The following PCDHA2 variants were observed in gnomAD, a reference collection of about 807,000 sequenced individuals.
The protein encoded by PCDHA2 is protocadherin alpha 2, also known as protocadherin alpha-2.
Under a neutral mutation model 66.0 loss-of-function variants are expected in PCDHA2, and 58 were observed. That is an observed-to-expected ratio of 0.88 (90% CI 0.71 to 1.09). The LOEUF (loss-of-function observed/expected upper bound fraction) is 1.09, where lower values mean the gene tolerates loss of function less well. Among genes scored for constraint, PCDHA2 ranks in the 50% least tolerant of loss-of-function variants. PCDHA2 has a pLI of 0.00. For synonymous variants in PCDHA2, 634 were observed against 554.0 expected (o/e 1.14, Z -2.03); for missense variants, 1,267 against 1,242.3 (o/e 1.02, Z -0.30).
At chr5:140,834,344 G>A (rs2150215547) in intron 1 of PCDHA2, 3 of 1,518,348 alleles carry the variant, frequency 2.0e-6, no homozygotes, top group Non-Finnish European at 1.8e-6. Context: ...AAATTCGAAG[G>A]CAAGTTTTGC....
Position 141,010,445 on chromosome 5 carries a change from A to C in PCDHA2, c.*508A>C. On this transcript the variant is annotated 3_prime_UTR_variant, in exon 4 of 4. Transcript: ENST00000526136. ...AAGGCAAGAAAACAAAGACAAATAA[A>C]CAGCGGAAGTTATCAGTATGGAGGG... 1.1e-6 allele frequency: 1 copy of C among 944,134 alleles called. No individual in the cohort carries two copies. The highest frequency in any genetic ancestry group is 1.5e-6 in the Non-Finnish European group (1 of 656,048). 58.5% of individuals were successfully genotyped at this position (944,134 alleles called of 1,614,324 possible).
rs782144250 is a variant in PCDHA2, at chr5:140,795,760, G to C, written c.796G>C (p.Ala266Pro). ...TGGGACCTTAGTGGTTAAGTTAAAC[G>C]CTTCTGATGCAGATGAAGGACCGAA... ...ANGTLVVKLN[A>P]SDADEGPNSE... The change falls in exon 1 of 4, where the codon GCT becomes CCT. Residue 266 changes from alanine (A) to proline (P), a missense_variant. Physicochemically the swap from Ala to Pro is conservative, Grantham distance 27. Coordinates refer to ENST00000526136, the MANE Select transcript of PCDHA2 (RefSeq NM_018905.3). 8 of 1,613,818 alleles carry C rather than the reference G, an allele frequency of 5.0e-6. No homozygotes were observed. The highest frequency in any genetic ancestry group is 1.7e-5 in the Admixed American group (1 of 60,006).
Position 140,795,913 on chromosome 5 carries a change from G to A in PCDHA2, c.949G>A (p.Glu317Lys), listed in dbSNP as rs17844246. 1.2e-6 allele frequency: 2 copies of A among 1,613,866 alleles called. No individual in the cohort carries two copies. The highest frequency in any genetic ancestry group is 8.5e-7 in the Non-Finnish European group (1 of 1,179,856). Residue 317 changes from glutamate (E) to lysine (K), a missense_variant, in exon 1 of 4, where the codon GAG (glutamate) becomes AAG (lysine). Physicochemically the swap from Glu to Lys is moderately conservative, Grantham distance 56. Coordinates refer to ENST00000526136, the MANE Select transcript of PCDHA2 (RefSeq NM_018905.3). Reference protein sequence around the residue: ...KLDYEEAKSYEIQVTATDKGT... With the variant: ...KLDYEEAKSYKIQVTATDKGT... ...AGATTATGAAGAAGCAAAGTCCTACGAGATTCAGGTCACTGCAACTGACAA... is the reference window on the plus strand; with the variant it reads ...AGATTATGAAGAAGCAAAGTCCTACAAGATTCAGGTCACTGCAACTGACAA...
At chr5:140,989,140 C>A (rs2153881117) in intron 3 of PCDHA2, among the ~76,000 whole-genome samples, 1 of 152,290 alleles carries the variant, frequency 6.6e-6, no homozygotes, top group East Asian at 1.9e-4. Context: ...CACTTTATCC[C>A]TTCTTTTGTT....
chr5:140,850,049 C>G (rs2150465227), intron 1 of PCDHA2: 5 of 1,596,466 alleles, frequency 3.1e-6, no homozygotes, highest in Non-Finnish European at 3.4e-6. Flanking sequence ...GCAAGGTGTA[C>G]GCGCTGCAGC....
rs556783584 is a variant in PCDHA2 at position 140,882,446 on chromosome 5, G to A, written c.2388+85094G>A. ...CCTGGGGCTGGAGCTGGCGGAGCTG[G>A]TGCCGCGCCTGTTCCGGGTGGCGTC... On this transcript the variant is annotated intron_variant, in intron 1 of 3. Coordinates refer to ENST00000526136, the MANE Select transcript of PCDHA2 (RefSeq NM_018905.3). 1.9e-5 allele frequency: 30 copies of A among 1,614,042 alleles called. No individual in the cohort carries two copies. The highest frequency in any genetic ancestry group is 1.0e-4 in the Admixed American group (6 of 60,036).
intron 1 of PCDHA2, among the ~76,000 whole-genome samples, chr5:140,800,567 G>A (rs1762574001): frequency 6.6e-6 from 1 of 151,946 alleles, no homozygotes; most frequent in South Asian, 2.1e-4. Flanking sequence ...AATGTAACTT[G>A]GGTGGTAAAG....
chr5:140,944,838 A>C (rs996510272), intron 1 of PCDHA2, among the ~76,000 whole-genome samples: 13 of 152,212 alleles, frequency 8.5e-5, no homozygotes, highest in Non-Finnish European at 1.6e-4. Flanking sequence ...TTGTAAAATG[A>C]GATATTAGAA....
chr5:140,795,590 A>G lies in PCDHA2; in HGVS notation c.626A>G (p.Asn209Ser). 6.2e-7 allele frequency: 1 copy of G among 1,614,170 alleles called. No homozygotes were observed. The highest frequency in any genetic ancestry group is 8.5e-7 in the Non-Finnish European group (1 of 1,180,032). ...SLDREETAEV[N>S]LLLVATDGGK... ...GACAGAGAGGAAACTGCTGAGGTTAATTTGTTACTGGTGGCTACTGATGGG... is the reference window on the plus strand; with the variant it reads ...GACAGAGAGGAAACTGCTGAGGTTAGTTTGTTACTGGTGGCTACTGATGGG... The change falls in exon 1 of 4, where the codon AAT becomes AGT. Residue 209 changes from asparagine to serine, a missense_variant. Transcript: ENST00000526136.
Position 140,850,173 on chromosome 5 carries a change from G to T in PCDHA2, c.2388+52821G>T, listed in dbSNP as rs2150470730. The T allele has an allele frequency of 4.0e-5, 64 of 1,594,368 alleles. 5 individuals carry two copies. The highest frequency in any genetic ancestry group is 5.0e-5 in the Non-Finnish European group (58 of 1,167,774). On this transcript the variant is annotated intron_variant, in intron 1 of 3. Coordinates refer to ENST00000526136, the MANE Select transcript of PCDHA2 (RefSeq NM_018905.3). ...GCAGGTGTTCGTGCTGGACGAGAAC[G>T]ACAATGCGCCGGCGCTGCTGACACC...
intron 1 of PCDHA2, among the ~76,000 whole-genome samples, chr5:140,925,606 C>A (rs1554202814): frequency 1.3e-5 from 2 of 150,882 alleles, no homozygotes; most frequent in African/African-American, 4.9e-5. Context: ...TGTAACAAAC[C>A]TGCACGTTGT....
At chr5:140,901,599 A>G (rs1196199794) in intron 1 of PCDHA2, among the ~76,000 whole-genome samples, 2 of 152,132 alleles carry the variant, frequency 1.3e-5, no homozygotes, top group South Asian at 2.1e-4. Flanking sequence ...TTTGGTTACT[A>G]TATCTCTATG....
intron 1 of PCDHA2, chr5:140,870,762 C>T (rs1581982773): frequency 1.2e-6 from 2 of 1,613,514 alleles, no homozygotes; most frequent in East Asian, 2.2e-5. Context: ...TGCAGGTGTT[C>T]GTGCTGGACG....
intron 1 of PCDHA2, among the ~76,000 whole-genome samples, chr5:140,931,914 A>C (rs1374173998): frequency 1.3e-5 from 2 of 151,960 alleles, no homozygotes; most frequent in Admixed American, 1.3e-4. Context: ...AAAGCATGAC[A>C]TTTAACAATG....
At chr5:140,834,511 A>T in intron 1 of PCDHA2, 1 of 1,614,070 alleles carries the variant, frequency 6.2e-7, no homozygotes, top group East Asian at 2.2e-5. Flanking sequence ...AAACATGGCA[A>T]CTTCGTGGGC....
intron 3 of PCDHA2, among the ~76,000 whole-genome samples, chr5:140,994,539 CA>C (rs35651294): frequency 0.48 from 72,467 of 151,372 alleles, 18,531 homozygotes; most frequent in African/African-American, 0.67. Flanking sequence ...CCCATCTCTA[CA>C]AAAAAAATAT....
At chr5:140,853,279 A>G (rs1197350918) in intron 1 of PCDHA2, 3 of 979,360 alleles carry the variant, frequency 3.1e-6, no homozygotes, top group Non-Finnish European at 3.7e-6. Flanking sequence ...CTCTCATCAT[A>G]TGCAAATTCT....
At chr5:140,802,199 C>T in intron 1 of PCDHA2, 1 of 1,614,220 alleles carries the variant, frequency 6.2e-7, no homozygotes, top group Non-Finnish European at 8.5e-7. Flanking sequence ...CAGATCACTG[C>T]ACAGTTCTAC....
At chr5:140,955,187 T>C (rs1230644276) in intron 1 of PCDHA2, among the ~76,000 whole-genome samples, 1 of 152,198 alleles carries the variant, frequency 6.6e-6, no homozygotes, top group Non-Finnish European at 1.5e-5. Flanking sequence ...TTTTGTGGTG[T>C]ATATGAAGTC....
Sources: allele counts gnomAD v4.1 joint callset (sites outside exome capture counted in the v4.1 genomes callset), GRCh38; gene constraint gnomAD v4.1.1; transcripts MANE v1.5; gene names NCBI Gene and HGNC (gene_info 2026-07-23, HGNC 2026-07-21).